Variants in E4F1 observed in about 807,000 individuals in gnomAD.
E4F1 encodes the protein transcription factor E4F1.
In E4F1, 30 loss-of-function variants were observed where a neutral mutation model predicts 72.9. The ratio of observed to expected loss-of-function variants is 0.41; its 90% CI spans 0.31 to 0.56. The LOEUF (loss-of-function observed/expected upper bound fraction) is 0.56. E4F1 is among the 20% of genes least tolerant of loss of function. The pLI, the probability that E4F1 is intolerant of heterozygous loss-of-function variation, is 0.25. For missense variants in E4F1, 1,091 were observed against 1,117.5 expected, an observed-to-expected ratio of 0.98 and a Z score of 0.34; for synonymous variants, 542 against 478.2, an observed-to-expected ratio of 1.13 and a Z score of -1.74.
In E4F1 at chr16:2,233,039, G is replaced by A. The variant is rs1567302772; in HGVS notation, c.912G>A (p.Gly304=). Reference sequence around the variant, plus strand: ...CTGGAGCTGGAGCTGCCGGCTTGGGGACAGCCACATCATCGGTGACAGGCG... The same window carrying A: ...CTGGAGCTGGAGCTGCCGGCTTGGGAACAGCCACATCATCGGTGACAGGCG... ...AGSGAGAAGL[G]TATSSVTGEP... Residue 304 remains glycine (G), a synonymous_variant, in exon 7 of 14, where the codon GGG becomes GGA. Coordinates refer to ENST00000301727, the MANE Select transcript of E4F1 (RefSeq NM_004424.5). The A allele has an allele frequency of 6.2e-6, 10 of 1,609,648 alleles. No homozygotes were observed. The highest frequency in any genetic ancestry group is 8.5e-6 in the Non-Finnish European group (10 of 1,177,176).
chr16:2,232,673 C>CG (rs1204243977), intron 5 of E4F1, 83 bp from the exon 6 acceptor site: 8 of 1,604,754 alleles, frequency 5.0e-6, no homozygotes, highest in Non-Finnish European at 6.8e-6. Flanking sequence ...GGGGATGAGG[C>CG]GGGGGCCCCT....
chr16:2,234,708 G>A lies in E4F1; in HGVS notation c.1719G>A (p.Lys573=), dbSNP rs764715204. The change falls in exon 11 of 14, where the codon AAG becomes AAA. Residue 573 remains lysine (K), a synonymous_variant. Transcript: ENST00000301727. ...VRHVRHHTGE[K]PFKCYKCGRG... The stretch of plus-strand genomic sequence containing the variant: ...ACGTGCGACACCACACAGGCGAGAA[G>A]CCGTTCAAGTGCTACAAGTGCGGCC... 4 of 1,569,170 alleles carry A rather than the reference G, an allele frequency of 2.5e-6. No individual in the cohort carries two copies. The South Asian group carries it at 4.7e-5, about 18-fold the overall frequency.
intron 5 of E4F1, 72 bp downstream of exon 5, chr16:2,232,648 C>T (rs2093475178): frequency 6.2e-7 from 1 of 1,603,842 alleles, no homozygotes; most frequent in Non-Finnish European, 8.5e-7. Flanking sequence ...CCCAGCCTCG[C>T]ATTCCCCAGC....
In E4F1 at chr16:2,233,918, C is replaced by T. The variant is rs1380517910; in HGVS notation, c.1303C>T (p.His435Tyr). The change falls in exon 9 of 14, where the codon CAC (histidine) becomes TAC (tyrosine). Residue 435 changes from histidine (H) to tyrosine (Y), a missense_variant. Coordinates refer to ENST00000301727, the MANE Select transcript of E4F1 (RefSeq NM_004424.5). ...ASEASAVPRT[H>Y]PCPQCSETFP... ...CGAGGCCTCAGCGGTGCCCAGGACC[C>T]ACCCATGTCCTCAGTGCAGTGAGAC... is the stretch of plus-strand genomic sequence containing the variant. The T allele has an allele frequency of 1.2e-6, 2 of 1,603,192 alleles. No homozygotes were observed. Among genetic ancestry groups the T allele is most frequent in the African/African-American group, 2.7e-5 (2 of 74,734 alleles).
At chr16:2,231,960 CAG>C (rs2093470129) in intron 3 of E4F1, 10 of 609,892 alleles carry the variant, frequency 1.6e-5, no homozygotes, top group South Asian at 1.6e-4. Context: ...GGCAGCCTGA[CAG>C]AGTCGGGAGG....
At position 2,232,694 on chromosome 16, in the gene E4F1, G is replaced by A. The variant is rs552394617; in HGVS notation, c.731-62G>A. On this transcript the variant is annotated intron_variant, in intron 5 of 13. Coordinates refer to ENST00000301727, the MANE Select transcript of E4F1 (RefSeq NM_004424.5). ...GAGGCGGGGGCCCCTGCCTGCCTTC[G>A]CCTTGTCACCTTGTCGCCAGCCTGC... is the stretch of plus-strand genomic sequence containing the variant. The A allele has an allele frequency of 1.9e-4, 301 of 1,608,586 alleles. No homozygotes were observed. In the African/African-American group the frequency reaches 3.4e-3, roughly 18 times the overall value.
In E4F1 at chr16:2,235,268, C is replaced by T. The variant is rs1435357279; in HGVS notation, c.2051C>T (p.Ala684Val). 6.2e-7 allele frequency: 1 copy of T among 1,611,208 alleles called. No homozygotes were observed. The highest frequency in any genetic ancestry group is 2.2e-5 in the East Asian group (1 of 44,878). ...CAGCAGATCGTGCACCAGGCTAGCG[C>T]CGGCCACCAGATCATCGTGCAGAAC... The part of the protein sequence containing the change: ...VVQQIVHQAS[A>V]GHQIIVQNVT... Residue 684 changes from alanine (A) to valine (V), a missense_variant, in exon 14 of 14, where the codon GCC becomes GTC. Physicochemically the swap from Ala to Val is moderately conservative, Grantham distance 64. Coordinates refer to ENST00000301727, the MANE Select transcript of E4F1 (RefSeq NM_004424.5).
In E4F1 at chr16:2,235,109, A is replaced by G. The variant is rs941596524; in HGVS notation, c.1964A>G (p.Glu655Gly). Residue 655 changes from glutamate to glycine, a missense_variant, in exon 13 of 14, where the codon GAG becomes GGG. Physicochemically the swap from Glu to Gly is moderately conservative, Grantham distance 98 (BLOSUM62 -2). Coordinates refer to ENST00000301727, the MANE Select transcript of E4F1 (RefSeq NM_004424.5). ...EATADDAETS[E>G]ATEIIEGTQT... is the part of the protein sequence containing the mutation. ...ACTGCGGACGATGCGGAGACCAGTG[A>G]GGCCACGGAGATCATCGAGGGCACC... 1 of 1,611,746 alleles carries G rather than the reference A, an allele frequency of 6.2e-7. No homozygotes were observed. Among genetic ancestry groups the G allele is most frequent in the African/African-American group, 1.3e-5 (1 of 74,650 alleles).
rs148311962 is a variant in E4F1 at position 2,234,340 on chromosome 16, C to T, written c.1545C>T (p.Asp515=). ...HVRGHRRVHS[D]ERPYPCPKCG... is the part of the protein sequence containing the mutation. The stretch of plus-strand genomic sequence containing the variant: ...GTGGCCACCGGCGCGTCCACTCAGA[C>T]GAGCGGCCCTACCCTTGTCCCAAGT... The change falls in exon 10 of 14, where the codon GAC becomes GAT. Residue 515 remains aspartate, a synonymous_variant. Transcript: ENST00000301727. 117 of 1,612,998 alleles carry T rather than the reference C, an allele frequency of 7.3e-5. 4 individuals are homozygous for T. The South Asian group carries it at 8.3e-4, about 12-fold the overall frequency.
At position 2,233,611 on chromosome 16, in the gene E4F1, G is replaced by T; in HGVS notation, c.1230G>T (p.Pro410=). Residue 410 remains proline, a synonymous_variant, in exon 8 of 14, where the codon CCG becomes CCT. Transcript: ENST00000301727. ...CCCAGCCCCTGGCAGTGGCAGCCCCGCAGCTGCCGGTACTGGAAGTGCAGC... is the reference window on the plus strand; with the variant it reads ...CCCAGCCCCTGGCAGTGGCAGCCCCTCAGCTGCCGGTACTGGAAGTGCAGC... The part of the protein sequence containing the change: ...SSPQPLAVAA[P]QLPVLEVQPL... 1 of 1,511,178 alleles carries T rather than the reference G, an allele frequency of 6.6e-7. No homozygotes were observed. The highest frequency in any genetic ancestry group is 2.1e-5 in the Admixed American group (1 of 48,336). The allele number at this position is 1,511,178 out of a possible 1,614,324, so 93.6% of individuals were successfully genotyped here.
chr16:2,232,574 C>A lies in E4F1; in HGVS notation c.728C>A (p.Thr243Lys). 1 of 1,611,894 alleles carries A rather than the reference C, an allele frequency of 6.2e-7. No individual in the cohort carries two copies. Among genetic ancestry groups the A allele is most frequent in the Non-Finnish European group, 8.5e-7 (1 of 1,179,508 alleles). The change falls in exon 5 of 14, where the codon ACG becomes AAG. Residue 243 changes from threonine to lysine, a missense_variant and splice_region_variant. This residue lies in a region of E4F1 where 362 missense variants were observed against 358.6 expected (regional missense o/e 1.01). Coordinates refer to ENST00000301727, the MANE Select transcript of E4F1 (RefSeq NM_004424.5). ...CTCATCCGGCACCACCGGCGGCACACGGGTGAGCTGGCCGCACCTCGGGCT... is the reference window on the plus strand; with the variant it reads ...CTCATCCGGCACCACCGGCGGCACAAGGGTGAGCTGGCCGCACCTCGGGCT... Reference protein sequence around the residue: ...GSLIRHHRRHTDERPYKCSKC... With the variant: ...GSLIRHHRRHKDERPYKCSKC...
At chr16:2,228,292 G>A (rs1363258645) in intron 1 of E4F1, 80 bp from the exon 2 acceptor site, 9 of 1,576,744 alleles carry the variant, frequency 5.7e-6, no homozygotes, top group African/African-American at 1.4e-5. Context: ...TCTGTTCTAG[G>A]GCTGGAGGAA....
In E4F1 at chr16:2,235,460, A is replaced by G. The variant is rs115624510; in HGVS notation, c.2243A>G (p.Gln748Arg). 2.4e-4 allele frequency: 394 copies of G among 1,612,536 alleles called. 1 individual carries two copies. The African/African-American group carries it at 3.8e-3, about 15-fold the overall frequency. Reference sequence around the variant, plus strand: ...CGGGCAGGGACAAGTGGCACTGAACAGGCCACTGTGACCATGGTGTCATCA... The same window carrying G: ...CGGGCAGGGACAAGTGGCACTGAACGGGCCACTGTGACCATGGTGTCATCA... ...AARAGTSGTE[Q>R]ATVTMVSSED... Residue 748 changes from glutamine (Q) to arginine (R), a missense_variant, in exon 14 of 14, where the codon CAG (glutamine) becomes CGG (arginine). Physicochemically the swap from Gln to Arg is conservative, Grantham distance 43 (BLOSUM62 1). Around this residue, in one of 5 missense-constraint regions of E4F1, gnomAD observed 622 missense variants for 628.0 expected, o/e 0.99. Transcript: ENST00000301727.
chr16:2,225,460 C>T (rs1235642048), intron 1 of E4F1, among the ~76,000 whole-genome samples: 1 of 151,078 alleles, frequency 6.6e-6, no homozygotes, highest in Non-Finnish European at 1.5e-5. Context: ...CATAGTAAGA[C>T]CCCGTCTCTA....
chr16:2,223,862 C>T (rs1468336428), intron 1 of E4F1, 92 bp downstream of exon 1: 2 of 1,531,136 alleles, frequency 1.3e-6, no homozygotes, highest in Non-Finnish European at 1.7e-6. Context: ...CGGGCTCGAC[C>T]GACCCTCCCA....
At chr16:2,233,374 C>T in intron 7 of E4F1, 64 bp from the exon 8 acceptor site, 1 of 1,458,378 alleles carries the variant, frequency 6.9e-7, no homozygotes, top group Non-Finnish European at 9.0e-7. Flanking sequence ...GTGCGTCTGC[C>T]CCATGGGGTG....
Position 2,223,654 on chromosome 16 carries a change from C to T in E4F1, c.41C>T (p.Thr14Met). 2 of 1,588,916 alleles carry T rather than the reference C, an allele frequency of 1.3e-6. No individual in the cohort carries two copies. Among genetic ancestry groups the T allele is most frequent in the South Asian group, 1.1e-5 (1 of 89,914 alleles). Residue 14 changes from threonine (T) to methionine (M), a missense_variant, in exon 1 of 14, where the codon ACG becomes ATG. Thr to Met is a moderately conservative substitution (Grantham distance 81). Coordinates refer to ENST00000301727, the MANE Select transcript of E4F1 (RefSeq NM_004424.5). ...AMAVRVTAAHTAEAQAEAGRE... is the reference protein window; with the variant it reads ...AMAVRVTAAHMAEAQAEAGRE... ...GCAGTGCGGGTGACGGCCGCTCATACGGCAGAAGCCCAGGCCGAAGCCGGG... is the reference window on the plus strand; with the variant it reads ...GCAGTGCGGGTGACGGCCGCTCATATGGCAGAAGCCCAGGCCGAAGCCGGG...
At chr16:2,228,221 C>A in intron 1 of E4F1, 151 bp from the exon 2 acceptor site, 1 of 1,053,902 alleles carries the variant, frequency 9.5e-7, no homozygotes. Context: ...TTGTTTTGGG[C>A]CCGAGTGTGT....
chr16:2,233,196 G>A lies in E4F1; in HGVS notation c.1056+13G>A. ...CCTGGCCCCAGAGGTGGGGGCGACG[G>A]GGGGCCCCGGAGGGCTGCTCTGTCT... On this transcript the variant is annotated intron_variant, in intron 7 of 13. Transcript: ENST00000301727. The A allele has an allele frequency of 6.3e-7, 1 of 1,590,006 alleles. No individual in the cohort carries two copies.
Sources: allele counts gnomAD v4.1 joint callset (sites outside exome capture counted in the v4.1 genomes callset), GRCh38; gene constraint gnomAD v4.1.1; regional missense constraint gnomAD v4.1.1; transcripts MANE v1.5; gene names NCBI Gene and HGNC (gene_info 2026-07-23, HGNC 2026-07-21).